Variants in TBL1Y observed in about 807,000 individuals in gnomAD.
The protein encoded by TBL1Y is F-box-like/WD repeat-containing protein TBL1Y.
In TBL1Y, 15 loss-of-function variants were observed where a neutral mutation model predicts 12.0. The ratio of observed to expected loss-of-function variants is 1.25; its 90% CI spans 0.83 to 1.92. The LOEUF is 1.92. Among genes scored for constraint, TBL1Y ranks in the 40% most tolerant of loss-of-function variants. The pLI is 0.00. For synonymous variants in TBL1Y, 53 were observed against 42.6 expected (o/e 1.24, Z -0.95); for missense variants, 148 against 116.7 (o/e 1.27, Z -1.24).
chrY:7,085,542 C>T (rs934433493), intron 14 of TBL1Y, among the ~76,000 whole-genome samples: 14 of 32,521 alleles, frequency 4.3e-4, no homozygotes, highest in African/African-American at 1.6e-3. Context: ...AGAGTGCGTA[C>T]GAAAGTAATT....
intron 2 of TBL1Y, among the ~76,000 whole-genome samples, chrY:6,961,660 A>G (rs754019060): frequency 6.8e-4 from 23 of 33,861 alleles, no homozygotes; most frequent in African/African-American, 2.7e-3. Flanking sequence ...GTTGTTCTGC[A>G]GAAGTAGTGG....
chrY:6,936,499 C>T (rs2011904774), intron 2 of TBL1Y, among the ~76,000 whole-genome samples: 1 of 34,425 alleles, frequency 2.9e-5, no homozygotes, highest in African/African-American at 1.1e-4. Flanking sequence ...GCCCTTCAGG[C>T]TTCTGATCAA....
intron 13 of TBL1Y, 110 bp from the exon 14 acceptor site, chrY:7,080,618 GAATA>G: frequency 3.1e-6 from 1 of 319,429 alleles, no homozygotes; most frequent in Non-Finnish European, 4.5e-6. Context: ...CCTGTCTCTA[GAATA>G]AATAAATAAG....
chrY:7,065,011 G>C, intron 8 of TBL1Y, among the ~76,000 whole-genome samples: 1 of 33,527 alleles, frequency 3.0e-5, no homozygotes, highest in East Asian at 7.8e-4. Context: ...AGAATACCCA[G>C]CTTGTACCTA....
At chrY:6,911,387 T>C in intron 1 of TBL1Y, among the ~76,000 whole-genome samples, 1 of 34,428 alleles carries the variant, frequency 2.9e-5, no homozygotes, top group Admixed American at 2.5e-4. Flanking sequence ...GGCGGGATTT[T>C]TCACGCCCCG....
At position 7,086,276 on chromosome Y, in the gene TBL1Y, G is replaced by A; in HGVS notation, c.1153-14G>A. On this transcript the variant is annotated splice_polypyrimidine_tract_variant and intron_variant, in intron 15 of 18. Transcript: ENST00000383032. ...AATGGCTTTTGCTCATGTTGTGGCCGGTGTGTCCTTTAGATCTGGAGTATG... is the reference window on the plus strand; with the variant it reads ...AATGGCTTTTGCTCATGTTGTGGCCAGTGTGTCCTTTAGATCTGGAGTATG... 1 of 383,294 alleles carries A rather than the reference G, an allele frequency of 2.6e-6. No homozygotes were observed. Among genetic ancestry groups the A allele is most frequent in the Non-Finnish European group, 3.6e-6 (1 of 275,307 alleles).
At chrY:6,974,021 TAG>T in intron 2 of TBL1Y, among the ~76,000 whole-genome samples, 1 of 33,578 alleles carries the variant, frequency 3.0e-5, no homozygotes, top group South Asian at 6.8e-4. Context: ...ACAGGATCTG[TAG>T]AGACCCAGGA....
At chrY:6,983,452 G>C (rs2124129289) in intron 3 of TBL1Y, among the ~76,000 whole-genome samples, 1 of 32,955 alleles carries the variant, frequency 3.0e-5, no homozygotes, top group East Asian at 8.1e-4. Context: ...GGTTTACTAA[G>C]AAAGGAAAAG....
chrY:7,011,478 A>G, intron 4 of TBL1Y, among the ~76,000 whole-genome samples: 1 of 34,355 alleles, frequency 2.9e-5, no homozygotes. Flanking sequence ...GGTTGTTTTT[A>G]TGAGGGCTTT....
At chrY:6,988,292 A>C in intron 3 of TBL1Y, among the ~76,000 whole-genome samples, 1 of 33,494 alleles carries the variant, frequency 3.0e-5, no homozygotes, top group Admixed American at 2.7e-4. Context: ...TTAAAATTAT[A>C]AGCTTGTATA....
chrY:7,067,702 A>G, intron 8 of TBL1Y, among the ~76,000 whole-genome samples: 1 of 33,100 alleles, frequency 3.0e-5, no homozygotes, highest in Non-Finnish European at 7.4e-5. Flanking sequence ...ACACATGGTT[A>G]TTAGATGATA....
At chrY:6,936,654 T>C in intron 2 of TBL1Y, among the ~76,000 whole-genome samples, 1 of 33,633 alleles carries the variant, frequency 3.0e-5, no homozygotes, top group Non-Finnish European at 7.3e-5. Flanking sequence ...TGGACCCTTT[T>C]TCGCAAAAGC....
At chrY:7,080,241 A>C in intron 13 of TBL1Y, among the ~76,000 whole-genome samples, 1 of 29,499 alleles carries the variant, frequency 3.4e-5, no homozygotes, top group Non-Finnish European at 8.0e-5. Flanking sequence ...CACCTGGCTA[A>C]TTTTTGTATT....
intron 3 of TBL1Y, among the ~76,000 whole-genome samples, chrY:6,981,112 C>A: frequency 3.0e-5 from 1 of 33,258 alleles, no homozygotes; most frequent in Non-Finnish European, 7.4e-5. Flanking sequence ...AATTTCACAC[C>A]AGGAACTACA....
At chrY:7,028,729 A>T (rs2012638516) in intron 6 of TBL1Y, among the ~76,000 whole-genome samples, 1 of 33,304 alleles carries the variant, frequency 3.0e-5, no homozygotes, top group Non-Finnish European at 7.4e-5. Context: ...TTGACGGGTG[A>T]CTCTATTGGC....
intron 2 of TBL1Y, among the ~76,000 whole-genome samples, chrY:6,921,948 G>A (rs1035958616): frequency 3.0e-5 from 1 of 33,662 alleles, no homozygotes; most frequent in Non-Finnish European, 7.4e-5. Flanking sequence ...GGATGAAGCC[G>A]TGCACCCTCA....
At chrY:6,975,902 CGT>C (rs757704602) in intron 2 of TBL1Y, among the ~76,000 whole-genome samples, 54 of 27,466 alleles carry the variant, frequency 2.0e-3, no homozygotes, top group East Asian at 0.01. Context: ...GAATATACTT[CGT>C]GTGTGTGTGT....
At chrY:7,066,521 C>T in intron 8 of TBL1Y, among the ~76,000 whole-genome samples, 1 of 33,171 alleles carries the variant, frequency 3.0e-5, no homozygotes, top group East Asian at 7.9e-4. Context: ...CACACACCAC[C>T]ACACCCAGCT....
At chrY:6,921,412 A>G (rs2011777102) in intron 2 of TBL1Y, among the ~76,000 whole-genome samples, 1 of 33,355 alleles carries the variant, frequency 3.0e-5, no homozygotes, top group East Asian at 8.0e-4. Context: ...TGAGTTCGTC[A>G]CAATCCTCAG....
Sources: allele counts gnomAD v4.1 joint callset (sites outside exome capture counted in the v4.1 genomes callset), GRCh38; gene constraint gnomAD v4.1.1; transcripts MANE v1.5; gene names NCBI Gene and HGNC (gene_info 2026-07-23, HGNC 2026-07-21).